The following TOR3A variants were observed in gnomAD, a reference collection of about 807,000 sequenced individuals.
The protein encoded by TOR3A is torsin family 3 member A.
In TOR3A, 44 loss-of-function variants were observed where a neutral mutation model predicts 42.1. That is an observed-to-expected ratio of 1.04 (90% confidence interval 0.82 to 1.34). TOR3A has a LOEUF of 1.34. Among genes scored for constraint, TOR3A ranks in the 40% most tolerant of loss-of-function variants. The pLI, the probability that TOR3A is intolerant of heterozygous loss-of-function variation, is 0.00. For missense variants in TOR3A, 521 were observed against 507.6 expected, an observed-to-expected ratio of 1.03 and a Z score of -0.25; for synonymous variants, 227 against 213.2, an observed-to-expected ratio of 1.06 and a Z score of -0.57.
In TOR3A at chr1:179,085,779, C is replaced by T. The variant is rs567645608; in HGVS notation, c.525C>T (p.Phe175=). The T allele has an allele frequency of 3.1e-6, 5 of 1,614,182 alleles. No individual in the cohort carries two copies. Among genetic ancestry groups the T allele is most frequent in the East Asian group, 4.5e-5 (2 of 44,886 alleles). ...FHGWSGTGKN[F]VARMLVENLY... Reference sequence around the variant, plus strand: ...GCTGGTCTGGCACAGGCAAGAACTTCGTGGCACGGATGCTGGTGGAGAACC... The same window carrying T: ...GCTGGTCTGGCACAGGCAAGAACTTTGTGGCACGGATGCTGGTGGAGAACC... The change falls in exon 3 of 6, where the codon TTC becomes TTT. Residue 175 remains phenylalanine (F), a synonymous_variant. Coordinates refer to ENST00000367627, the MANE Select transcript of TOR3A (RefSeq NM_022371.4).
chr1:179,088,709 A>C (rs1410522266), intron 4 of TOR3A, among the ~76,000 whole-genome samples: 1 of 152,224 alleles, frequency 6.6e-6, no homozygotes, highest in Non-Finnish European at 1.5e-5. Context: ...TGCGGGACCC[A>C]GTCACTGAAT....
Position 179,093,737 on chromosome 1 carries a change from A to G in TOR3A, c.819-356A>G, listed in dbSNP as rs74798683. 5.7e-3 allele frequency among the ~76,000 whole-genome samples: 865 copies of G among 152,300 alleles called. 9 individuals are homozygous for G. The highest frequency in any genetic ancestry group is 0.02 in the African/African-American group (815 of 41,548). ...CTCTGAAGCCTTCTCCTTAGAACTCAGTCACTCCTCCATTAGCGCTTGCCA... is the reference window on the plus strand; with the variant it reads ...CTCTGAAGCCTTCTCCTTAGAACTCGGTCACTCCTCCATTAGCGCTTGCCA... On this transcript the variant is annotated intron_variant, in intron 4 of 5. Transcript: ENST00000367627.
At chr1:179,082,848 C>T (rs1334791534) in intron 1 of TOR3A, 92 bp from the exon 2 acceptor site, 1 of 859,590 alleles carries the variant, frequency 1.2e-6, no homozygotes, top group African/African-American at 1.7e-5. Flanking sequence ...CTGGGTGTCC[C>T]TCTGTCCCTG....
At chr1:179,084,806 C>T (rs560775953) in intron 2 of TOR3A, among the ~76,000 whole-genome samples, 1 of 152,316 alleles carries the variant, frequency 6.6e-6, no homozygotes, top group South Asian at 2.1e-4. Context: ...GCACACCCTG[C>T]CTGTCTGCAC....
At position 179,082,948 on chromosome 1, in the gene TOR3A, C is replaced by T. The variant is rs1345987552; in HGVS notation, c.268C>T (p.Leu90Phe). ...AGCTCCTCCTTTTCCAGGCTGGCGC[C>T]TTCCTCTGTTGGGCCAGCGGTACCT... ...EAATGPLGWR[L>F]PLLGQRYLDL... Residue 90 changes from leucine (L) to phenylalanine (F), a missense_variant, in exon 2 of 6, where the codon CTT becomes TTT. Coordinates refer to ENST00000367627, the MANE Select transcript of TOR3A (RefSeq NM_022371.4). 1.3e-6 allele frequency: 2 copies of T among 1,570,356 alleles called. No individual in the cohort carries two copies. The highest frequency in any genetic ancestry group is 2.3e-5 in the East Asian group (1 of 44,298).
At chr1:179,082,789 T>C in intron 1 of TOR3A, 151 bp from the exon 2 acceptor site, 1 of 716,672 alleles carries the variant, frequency 1.4e-6, no homozygotes. Flanking sequence ...ACGCAGGGCT[T>C]GAGGACCGAC....
At chr1:179,088,984 CAAGCTGCAGGG>C (rs1187956791) in intron 4 of TOR3A, among the ~76,000 whole-genome samples, 1 of 152,146 alleles carries the variant, frequency 6.6e-6, no homozygotes, top group Non-Finnish European at 1.5e-5. Flanking sequence ...GGGGGTTTCC[CAAGCTGCAGGG>C]CTCACTTTGT....
At chr1:179,086,843 G>A (rs138979908) in intron 3 of TOR3A, among the ~76,000 whole-genome samples, 1 of 152,316 alleles carries the variant, frequency 6.6e-6, no homozygotes, top group Non-Finnish European at 1.5e-5. Context: ...TACCAGAAGA[G>A]CCTGACAGAA....
intron 4 of TOR3A, among the ~76,000 whole-genome samples, chr1:179,090,836 T>C (rs1027822772): frequency 1.2e-4 from 19 of 152,218 alleles, no homozygotes; most frequent in African/African-American, 4.3e-4. Context: ...CCTGTTCTCA[T>C]GGGAGCTGTA....
At chr1:179,089,523 A>T (rs1026506604) in intron 4 of TOR3A, among the ~76,000 whole-genome samples, 1 of 151,874 alleles carries the variant, frequency 6.6e-6, no homozygotes, top group Non-Finnish European at 1.5e-5. Context: ...CAGAACCAGG[A>T]GGTGAGGACA....
rs1426420435 is a variant in TOR3A at position 179,095,908 on chromosome 1, A to C, written c.*690A>C. ...TATGGTCTACAGATTTTGGCGGGGG[A>C]GGGGGGACCTTTTCAAAGACAATAG... is the stretch of plus-strand genomic sequence containing the variant. On this transcript the variant is annotated 3_prime_UTR_variant, in exon 6 of 6. Transcript: ENST00000367627. 2 of 982,540 alleles carry C rather than the reference A, an allele frequency of 2.0e-6. No individual in the cohort carries two copies. Among genetic ancestry groups the C allele is most frequent in the Non-Finnish European group, 2.4e-6 (2 of 829,250 alleles). The allele number at this position is 982,540 out of a possible 1,614,324, so 60.9% of individuals were successfully genotyped here.
chr1:179,090,111 T>TG (rs397961759), intron 4 of TOR3A, among the ~76,000 whole-genome samples: 2,057 of 28,308 alleles, frequency 0.073, 15 homozygotes, highest in South Asian at 0.15. Context: ...GTGGGCGGGG[T>TG]GGGGGGGGGG....
intron 1 of TOR3A, 114 bp downstream of exon 1, chr1:179,082,501 T>C: frequency 7.1e-7 from 1 of 1,412,744 alleles, no homozygotes; most frequent in South Asian, 1.4e-5. Context: ...AGTCCTGCTC[T>C]GCTCAGCCGC....
intron 2 of TOR3A, among the ~76,000 whole-genome samples, chr1:179,083,568 T>G (rs1652349495): frequency 2.6e-5 from 2 of 75,846 alleles, no homozygotes; most frequent in East Asian, 4.8e-4. Flanking sequence ...AATTTCTGTA[T>G]TTTTAGTAGA....
intron 3 of TOR3A, 64 bp from the exon 4 acceptor site, chr1:179,087,847 C>T (rs1652473331): frequency 3.4e-6 from 5 of 1,469,466 alleles, no homozygotes; most frequent in Admixed American, 2.4e-5. Flanking sequence ...GGGGAAACCA[C>T]GCCCTCAAGG....
chr1:179,087,957 A>C lies in TOR3A; in HGVS notation c.686A>C (p.Gln229Pro). 6.2e-7 allele frequency: 1 copy of C among 1,611,554 alleles called. No individual in the cohort carries two copies. Among genetic ancestry groups the C allele is most frequent in the Non-Finnish European group, 8.5e-7 (1 of 1,178,816 alleles). Residue 229 changes from glutamine (Q) to proline (P), a missense_variant, in exon 4 of 6, where the codon CAG becomes CCG. Gln to Pro is a moderately conservative substitution (Grantham distance 76, BLOSUM62 -1). Coordinates refer to ENST00000367627, the MANE Select transcript of TOR3A (RefSeq NM_022371.4). ...QIRETQQLCH[Q>P]TLFIFDEAEK... is the part of the protein sequence containing the mutation. ...CGGGAGACGCAGCAGCTCTGCCACC[A>C]GACCCTGTTCATCTTCGATGAAGCG...
rs886436706 is a variant in TOR3A, at chr1:179,095,981, T to TTTGA, written c.*766_*769dup. On this transcript the variant is annotated 3_prime_UTR_variant, in exon 6 of 6. Coordinates refer to ENST00000367627, the MANE Select transcript of TOR3A (RefSeq NM_022371.4). ...ATGTAAAGATGATAAGATTAAAATT[T>TTTGA]TTGATTTTCCTAAAATCCTTGGCGT... 3 of 985,258 alleles carry TTTGA rather than the reference T, an allele frequency of 3.0e-6. No individual in the cohort carries two copies. The highest frequency in any genetic ancestry group is 3.5e-5 in the African/African-American group (2 of 57,206). 61.0% of individuals were successfully genotyped at this position (985,258 alleles called of 1,614,324 possible). A position where few individuals can be genotyped will look rare whatever the true frequency, so the allele number is the denominator to read the frequency against.
At position 179,095,121 on chromosome 1, in the gene TOR3A, T is replaced by C. The variant is rs761072022; in HGVS notation, c.1097T>C (p.Ile366Thr). 1.2e-6 allele frequency: 2 copies of C among 1,614,194 alleles called. No homozygotes were observed. The highest frequency in any genetic ancestry group is 1.3e-5 in the African/African-American group (1 of 75,042). The change falls in exon 6 of 6, where the codon ATA becomes ACA. Residue 366 changes from isoleucine to threonine, a missense_variant. Coordinates refer to ENST00000367627, the MANE Select transcript of TOR3A (RefSeq NM_022371.4). ...TATAAAGAAGAGACACTGGATGAAA[T>C]AGCCCAGATGATGGTGTATGTCCCC... ...LLYKEETLDE[I>T]AQMMVYVPKE...
At position 179,095,597 on chromosome 1, in the gene TOR3A, C is replaced by G. The variant is rs887289473; in HGVS notation, c.*379C>G. ...AATCCCAAGGGCTTATTATGACACT[C>G]CAGATGGTCTCCTTAGCATCTCAGC... On this transcript the variant is annotated 3_prime_UTR_variant, in exon 6 of 6. Transcript: ENST00000367627. 2.7e-5 allele frequency: 29 copies of G among 1,090,374 alleles called. No individual in the cohort carries two copies. The African/African-American group carries it at 4.8e-4, about 18-fold the overall frequency. 67.5% of individuals were successfully genotyped at this position (1,090,374 alleles called of 1,614,324 possible).
Sources: allele counts gnomAD v4.1 joint callset (sites outside exome capture counted in the v4.1 genomes callset), GRCh38; gene constraint gnomAD v4.1.1; transcripts MANE v1.5; gene names NCBI Gene and HGNC (gene_info 2026-07-23, HGNC 2026-07-21).